RELN: variants seen among roughly 807,000 people sequenced by gnomAD.
RELN encodes the protein reelin.
RELN carries 108 observed loss-of-function variants against 427.6 expected under a neutral mutation model. The ratio of observed to expected loss-of-function variants is 0.25; its 90% CI spans 0.22 to 0.30. The LOEUF (loss-of-function observed/expected upper bound fraction) is 0.30. RELN is among the 10% of genes least tolerant of loss of function. The pLI is 1.00. For synonymous variants in RELN, 1,524 were observed against 1,513.4 expected (o/e 1.01, Z -0.16); for missense variants, 3,715 against 4,302.8 (o/e 0.86, Z 3.82).
At position 103,988,724 on chromosome 7, in the gene RELN, G is replaced by A. The variant is rs1242267145; in HGVS notation, c.226+407C>T. On this transcript the variant is annotated intron_variant, in intron 1 of 64. Transcript: ENST00000428762. This position sits in a 1 kb window ranked among gnomAD's most constrained non-coding sequence, Gnocchi z 4.9. ...GCAAAGCCCAGCGACAGCCCCCAAC[G>A]CCCCCCCGGGGACCCATCTGGGGGG... Among the ~76,000 whole-genome samples, 3 of 151,984 alleles carry A rather than the reference G, an allele frequency of 2.0e-5. No individual in the cohort carries two copies. Among genetic ancestry groups the A allele is most frequent in the Non-Finnish European group, 4.4e-5 (3 of 67,992 alleles).
intron 20 of RELN, among the ~76,000 whole-genome samples, chr7:103,628,572 C>T (rs1290671709): frequency 1.3e-5 from 2 of 152,138 alleles, no homozygotes; most frequent in Non-Finnish European, 2.9e-5. Flanking sequence ...TGAGATCTGA[C>T]TATACATGCA....
Position 103,609,362 on chromosome 7 carries a change from G to C in RELN, c.3008+1333C>G, listed in dbSNP as rs550296548. On this transcript the variant is annotated intron_variant, in intron 22 of 64. Transcript: ENST00000428762. ...TGAAAAAATAAACCTCAGTAGCTCT[G>C]CTTTGAGTATGACCAGTATTTCCAT... is the stretch of plus-strand genomic sequence containing the variant. Among the ~76,000 whole-genome samples, 24 of 152,206 alleles carry C rather than the reference G, an allele frequency of 1.6e-4. No homozygotes were observed. In the South Asian group the frequency reaches 4.6e-3, roughly 29 times the overall value.
intron 1 of RELN, among the ~76,000 whole-genome samples, chr7:103,927,825 A>G (rs1201591894): frequency 6.6e-6 from 1 of 151,982 alleles, no homozygotes; most frequent in African/African-American, 2.4e-5. Flanking sequence ...AATTACCAGG[A>G]GATGTCTTGA....
At chr7:103,697,112 T>C (rs1216037572) in intron 10 of RELN, among the ~76,000 whole-genome samples, 1 of 152,232 alleles carries the variant, frequency 6.6e-6, no homozygotes, top group African/African-American at 2.4e-5. Context: ...GGCTGGAAAG[T>C]CCAAGACCAA....
intron 2 of RELN, among the ~76,000 whole-genome samples, chr7:103,872,044 T>TTC (rs1794353362): frequency 1.0e-5 from 1 of 99,462 alleles, no homozygotes; most frequent in Non-Finnish European, 2.2e-5. Context: ...TTCTTTTTTC[T>TTC]TTTTTTTCTT....
intron 8 of RELN, among the ~76,000 whole-genome samples, chr7:103,722,286 TA>T (rs1179223621): frequency 6.6e-6 from 1 of 152,136 alleles, no homozygotes; most frequent in Non-Finnish European, 1.5e-5. Context: ...CAATTTGGAA[TA>T]GAAGAATCCT....
chr7:103,607,497 A>G (rs1241902189), intron 22 of RELN, among the ~76,000 whole-genome samples: 1 of 152,220 alleles, frequency 6.6e-6, no homozygotes, highest in Non-Finnish European at 1.5e-5. Context: ...CTCAAAACTA[A>G]GTAATCTTAG....
Position 103,557,031 on chromosome 7 carries a change from A to G in RELN, c.5743T>C (p.Tyr1915His). The change falls in exon 38 of 65, where the codon TAC (tyrosine) becomes CAC (histidine). Residue 1915 changes from tyrosine (Y) to histidine (H), a missense_variant. Tyr to His is a moderately conservative substitution (Grantham distance 83, BLOSUM62 2). Coordinates refer to ENST00000428762, the MANE Select transcript of RELN (RefSeq NM_005045.4). ...NILFINVPLP[Y>H]TAQTNATRFR... Reference sequence around the variant, plus strand: ...CTTGTAGCATTGGTTTGGGCAGTGTATGGCAAGGGAACATTGATGAAAAGT... The same window carrying G: ...CTTGTAGCATTGGTTTGGGCAGTGTGTGGCAAGGGAACATTGATGAAAAGT... 1 of 1,613,926 alleles carries G rather than the reference A, an allele frequency of 6.2e-7. No individual in the cohort carries two copies. Among genetic ancestry groups the G allele is most frequent in the Non-Finnish European group, 8.5e-7 (1 of 1,179,766 alleles).
chr7:103,806,955 C>T (rs1584255994), intron 3 of RELN, among the ~76,000 whole-genome samples: 1 of 152,110 alleles, frequency 6.6e-6, no homozygotes, highest in African/African-American at 2.4e-5. Flanking sequence ...GAATAACATA[C>T]CCCTTCAAGT....
chr7:103,985,893 C>T (rs889967923), intron 1 of RELN, among the ~76,000 whole-genome samples: 2 of 152,172 alleles, frequency 1.3e-5, no homozygotes, highest in African/African-American at 4.8e-5. Context: ...GGCTGGAAAA[C>T]AGAAATGGCT....
chr7:103,901,685 T>A (rs545061758), intron 2 of RELN, among the ~76,000 whole-genome samples: 3 of 152,150 alleles, frequency 2.0e-5, no homozygotes, highest in South Asian at 4.1e-4. Flanking sequence ...ATAGGAAATG[T>A]CCAGAATAGG....
rs902672293 is a variant in RELN, at chr7:103,626,726, T to C, written c.2702+3214A>G. ...TGTTGTATCTAGCTGGTTTATTAGA[T>C]GGGGCAGAGGAATGTTAATGTTCCC... On this transcript the variant is annotated intron_variant, in intron 20 of 64. Transcript: ENST00000428762. The surrounding 1 kb of genome is among the most constrained non-coding windows in gnomAD (Gnocchi z 4.4). Among the ~76,000 whole-genome samples, 12 of 152,114 alleles carry C rather than the reference T, an allele frequency of 7.9e-5. 1 individual carries two copies. Among genetic ancestry groups the C allele is most frequent in the Non-Finnish European group, 1.8e-4 (12 of 67,996 alleles).
intron 43 of RELN, 77 bp downstream of exon 43, chr7:103,542,654 C>T (rs1830198435): frequency 1.3e-6 from 2 of 1,527,704 alleles, no homozygotes; most frequent in Non-Finnish European, 1.8e-6. Flanking sequence ...AATCGCTCTG[C>T]TTCCTTCTGA....
intron 22 of RELN, among the ~76,000 whole-genome samples, chr7:103,607,745 T>A (rs1397544085): frequency 6.6e-6 from 1 of 152,212 alleles, no homozygotes; most frequent in Non-Finnish European, 1.5e-5. Context: ...GAAGGCTGAC[T>A]AAATTGTATT....
intron 24 of RELN, among the ~76,000 whole-genome samples, chr7:103,601,769 G>A (rs1831674285): frequency 6.6e-6 from 1 of 152,110 alleles, no homozygotes; most frequent in South Asian, 2.1e-4. Flanking sequence ...GGAGAGAGAG[G>A]TGGTTACCCC....
intron 1 of RELN, among the ~76,000 whole-genome samples, chr7:103,941,481 CTATTT>C (rs766646510): frequency 3.3e-4 from 50 of 152,042 alleles, no homozygotes; most frequent in Non-Finnish European, 5.4e-4. Context: ...TTTGGAATAT[CTATTT>C]TATTTTATTA....
intron 2 of RELN, among the ~76,000 whole-genome samples, chr7:103,845,909 TAG>T (rs1563047630): frequency 1.8e-5 from 2 of 112,608 alleles, no homozygotes; most frequent in African/African-American, 7.4e-5. Flanking sequence ...CGCTCATGGA[TAG>T]AAAGAATCAA....
chr7:103,603,440 G>A lies in RELN; in HGVS notation c.3197C>T (p.Pro1066Leu), dbSNP rs116225248. 278 of 1,613,866 alleles carry A rather than the reference G, an allele frequency of 1.7e-4. No homozygotes were observed. The East Asian group carries it at 5.7e-3, about 33-fold the overall frequency. The change falls in exon 24 of 65, where the codon CCG (proline) becomes CTG (leucine). Residue 1066 changes from proline (P) to leucine (L), a missense_variant. Transcript: ENST00000428762. This position sits in a 1 kb window ranked among gnomAD's most constrained non-coding sequence, Gnocchi z 4.3. ...CTCAAAATCTGACATAATTGTGGAC[G>A]GAAGGGCAGCTTCTGGGTGGCATTC... is the stretch of plus-strand genomic sequence containing the variant. ...GTECHPEAAL[P>L]STIMSDFENQ...
chr7:103,809,068 C>T (rs1047837377), intron 3 of RELN, among the ~76,000 whole-genome samples: 3 of 152,106 alleles, frequency 2.0e-5, no homozygotes, highest in East Asian at 3.9e-4. Context: ...CCCTAGAAAG[C>T]GTTAAGAATG....
Sources: gnomAD v4.1 joint callset for allele counts (sites outside exome capture counted in the v4.1 genomes callset) on GRCh38, gnomAD v4.1.1 for gene constraint, Gnocchi (gnomAD v3.1) non-coding constraint, MANE v1.5 for transcripts, NCBI Gene and HGNC (gene_info 2026-07-23, HGNC 2026-07-21) for gene names.